The following NHSL2 variants were observed in gnomAD, a reference collection of about 807,000 sequenced individuals.
NHSL2 encodes the protein NHS like 2.
Under a neutral mutation model 53.4 loss-of-function variants are expected in NHSL2, and 27 were observed. That is an observed-to-expected ratio of 0.51 (90% CI 0.37 to 0.70). The LOEUF (loss-of-function observed/expected upper bound fraction) is 0.70. Ranked by LOEUF, NHSL2 falls within the 30% of genes least tolerant of loss-of-function variation. The pLI is 0.00. For synonymous variants in NHSL2, 408 were observed against 404.1 expected (o/e 1.01, Z -0.12); for missense variants, 892 against 980.1 (o/e 0.91, Z 1.20).
intron 1 of NHSL2, among the ~76,000 whole-genome samples, chrX:72,047,896 G>A (rs1174272262): frequency 1.8e-5 from 2 of 110,164 alleles, no homozygotes; most frequent in Non-Finnish European, 3.8e-5. Context: ...GCAGAGGGAT[G>A]TACTCTGAGG....
chrX:72,035,555 C>T (rs889123649), intron 1 of NHSL2, among the ~76,000 whole-genome samples: 1 of 110,882 alleles, frequency 9.0e-6, no homozygotes, highest in African/African-American at 3.3e-5. Context: ...CACGGAGTTT[C>T]GCTCTTGTTG....
At chrX:71,981,416 C>A (rs2041978073) in intron 1 of NHSL2, among the ~76,000 whole-genome samples, 1 of 109,245 alleles carries the variant, frequency 9.2e-6, no homozygotes, top group Non-Finnish European at 1.9e-5. Flanking sequence ...TGTGTTGGCA[C>A]ACACCTGTAG....
At chrX:71,949,542 C>T (rs191480645) in intron 1 of NHSL2, among the ~76,000 whole-genome samples, 181 of 111,508 alleles carry the variant, frequency 1.6e-3, no homozygotes, top group Middle Eastern at 4.6e-3. Context: ...GTCCCAGACC[C>T]GCCTGGCTCA....
At chrX:72,085,443 C>CT (rs1356500521) in intron 1 of NHSL2, among the ~76,000 whole-genome samples, 7 of 111,696 alleles carry the variant, frequency 6.3e-5, no homozygotes, top group African/African-American at 2.3e-4. Context: ...ATCTGGTTTT[C>CT]TTTTTCCTGC....
At chrX:71,944,395 G>C (rs768962360) in intron 1 of NHSL2, among the ~76,000 whole-genome samples, 1 of 112,077 alleles carries the variant, frequency 8.9e-6, no homozygotes, top group South Asian at 3.7e-4. Context: ...GGCCTGCTCC[G>C]GTCCTGAGTC....
chrX:72,027,481 A>G (rs904319623), intron 1 of NHSL2: 10 of 111,250 alleles, frequency 9.0e-5, no homozygotes, highest in African/African-American at 3.3e-4. Flanking sequence ...GATTGAGTTT[A>G]GGAAGAAAAA....
chrX:71,984,365 A>G (rs2041993878), intron 1 of NHSL2, among the ~76,000 whole-genome samples: 1 of 112,383 alleles, frequency 8.9e-6, no homozygotes, highest in African/African-American at 3.2e-5. Context: ...CACAATAGTA[A>G]AGCAAAATAA....
intron 1 of NHSL2, among the ~76,000 whole-genome samples, chrX:72,025,547 C>T (rs1327615349): frequency 1.8e-5 from 2 of 112,881 alleles, no homozygotes; most frequent in Non-Finnish European, 3.8e-5. Flanking sequence ...CTGGGACACA[C>T]ATCCAGGTCT....
At chrX:72,140,935 C>G (rs1323905120) in intron 6 of NHSL2, 164 bp downstream of exon 6, 6 of 431,418 alleles carry the variant, frequency 1.4e-5, no homozygotes, top group Non-Finnish European at 2.4e-5. Context: ...GAACCACGGG[C>G]TGGCCTTACT....
chrX:71,926,297 C>T (rs759500543), intron 1 of NHSL2, among the ~76,000 whole-genome samples: 43 of 112,038 alleles, frequency 3.8e-4, no homozygotes, highest in African/African-American at 1.3e-3. Flanking sequence ...ACCAAGAAAC[C>T]ATTTGCACTG....
chrX:72,137,214 A>T lies in NHSL2; in HGVS notation c.881A>T (p.Gln294Leu). ...ATTATTGGATTCTCTAACTTTTCCC[A>T]GCGAGACCAAGGTGACCCCACCACA... Reference protein sequence around the residue: ...RTIIGFSNFSQRDQGHSNSPA... With the variant: ...RTIIGFSNFSLRDQGHSNSPA... Residue 294 changes from glutamine to leucine, a missense_variant, in exon 5 of 8, where the codon CAG (glutamine) becomes CTG (leucine). Physicochemically the swap from Gln to Leu is moderately radical, Grantham distance 113. Coordinates refer to ENST00000633930, the MANE Select transcript of NHSL2 (RefSeq NM_001013627.3). 1 of 1,166,198 alleles carries T rather than the reference A, an allele frequency of 8.6e-7. No homozygotes were observed. The highest frequency in any genetic ancestry group is 1.9e-5 in the South Asian group (1 of 52,588).
chrX:71,928,320 T>C lies in NHSL2; in HGVS notation c.280+16953T>C, dbSNP rs746077958. Among the ~76,000 whole-genome samples, 3 of 112,161 alleles carry C rather than the reference T, an allele frequency of 2.7e-5. No homozygotes were observed. In the South Asian group the frequency reaches 1.1e-3, roughly 42 times the overall value. ...GCTTGATACCTGAAGATAAAGGAAC[T>C]GAATTGGGCCCTGGAAATCCTGAAA... is the stretch of plus-strand genomic sequence containing the variant. On this transcript the variant is annotated intron_variant, in intron 1 of 7. Transcript: ENST00000633930.
chrX:72,096,750 T>C (rs188220399), intron 1 of NHSL2, among the ~76,000 whole-genome samples: 2 of 112,019 alleles, frequency 1.8e-5, no homozygotes, highest in Admixed American at 1.9e-4. Flanking sequence ...GTATCCTCCT[T>C]CTAGCTATTT....
chrX:72,131,140 G>A (rs2042291604), intron 1 of NHSL2: 1 of 1,190,175 alleles, frequency 8.4e-7, no homozygotes, highest in Admixed American at 2.3e-5. Flanking sequence ...CTTTGACGCG[G>A]GCGGAGGCAG....
Position 71,970,425 on chromosome X carries a change from C to T in NHSL2, c.280+59058C>T, listed in dbSNP as rs891430761. 5.4e-5 allele frequency among the ~76,000 whole-genome samples: 6 copies of T among 111,973 alleles called. No homozygotes were observed. In the East Asian group the frequency reaches 8.3e-4, roughly 16 times the overall value. ...TCTCTTTGTTTGTTATAAGTCTATT[C>T]GGATTTTCTATTTCTTCTTGGGTCA... On this transcript the variant is annotated intron_variant, in intron 1 of 7. Coordinates refer to ENST00000633930, the MANE Select transcript of NHSL2 (RefSeq NM_001013627.3).
At chrX:71,978,093 AG>A (rs2041956946) in intron 1 of NHSL2, among the ~76,000 whole-genome samples, 1 of 112,472 alleles carries the variant, frequency 8.9e-6, no homozygotes, top group African/African-American at 3.2e-5. Context: ...GGTTGTTATG[AG>A]GATTAAACAA....
At chrX:72,130,426 T>G in intron 1 of NHSL2, 1 of 1,202,813 alleles carries the variant, frequency 8.3e-7, no homozygotes, top group Non-Finnish European at 1.1e-6. Context: ...CTCCTTCATC[T>G]CTTGCTGAAA....
intron 1 of NHSL2, among the ~76,000 whole-genome samples, chrX:71,944,377 G>C (rs1216622460): frequency 8.9e-6 from 1 of 112,340 alleles, no homozygotes; most frequent in Non-Finnish European, 1.9e-5. Flanking sequence ...CCAGTTTAGA[G>C]AGTAAGTGGC....
intron 1 of NHSL2, among the ~76,000 whole-genome samples, chrX:71,949,236 C>T (rs182103125): frequency 2.6e-3 from 290 of 111,171 alleles, no homozygotes; most frequent in African/African-American, 8.8e-3. Flanking sequence ...ACAGCTATGC[C>T]AGATCCCCCA....
Sources: gnomAD v4.1 joint callset for allele counts (sites outside exome capture counted in the v4.1 genomes callset) on GRCh38, gnomAD v4.1.1 for gene constraint, MANE v1.5 for transcripts, NCBI Gene and HGNC (gene_info 2026-07-23, HGNC 2026-07-21) for gene names.